Variants in MEIOSIN observed in about 807,000 individuals in gnomAD.
MEIOSIN encodes the protein meiosis initiator.
In MEIOSIN, 18 loss-of-function variants were observed where a neutral mutation model predicts 23.4. The observed-to-expected ratio is 0.77, with a 90% CI of 0.53 to 1.14. MEIOSIN has a LOEUF of 1.14. MEIOSIN is among the 50% of genes most tolerant of loss of function. The pLI is 0.00. For synonymous variants in MEIOSIN, 187 were observed against 100.6 expected, an observed-to-expected ratio of 1.86 and a Z score of -5.14; for missense variants, 428 against 242.9, an observed-to-expected ratio of 1.76 and a Z score of -5.07.
intron 1 of MEIOSIN, among the ~76,000 whole-genome samples, chr19:45,734,778 T>C (rs1968382948): frequency 6.6e-6 from 1 of 151,288 alleles, no homozygotes; most frequent in Admixed American, 6.6e-5. Flanking sequence ...GTGCTAGGAT[T>C]ACAGGCGTGA....
At chr19:45,734,506 C>CT (rs999396275) in intron 1 of MEIOSIN, among the ~76,000 whole-genome samples, 33 of 150,644 alleles carry the variant, frequency 2.2e-4, no homozygotes, top group South Asian at 6.3e-4. Context: ...GGGAGGGCTC[C>CT]TTTTTTTTTG....
At chr19:45,752,910 T>TTTC (rs1392406147) in intron 5 of MEIOSIN, among the ~76,000 whole-genome samples, 63 of 140,850 alleles carry the variant, frequency 4.5e-4, no homozygotes, top group Non-Finnish European at 6.0e-4. Flanking sequence ...ACTCAGATAG[T>TTTC]TTCTTCTTCT....
At position 45,759,025 on chromosome 19, in the gene MEIOSIN, T is replaced by C; in HGVS notation, c.1160T>C (p.Leu387Pro). ...ATCTTGGAGGATGACATGGAGTACC[T>C]GACCCAAGGTGAGGCCCAGGCCTGG... ...DEILEDDMEY[L>P]TQAAFFEEVC... Residue 387 changes from leucine to proline, a missense_variant, in exon 10 of 15, where the codon CTG becomes CCG. Physicochemically the swap from Leu to Pro is moderately conservative, Grantham distance 98. Coordinates refer to ENST00000457052, the MANE Select transcript of MEIOSIN (RefSeq NM_001310124.2). 1.4e-6 allele frequency: 1 copy of C among 703,090 alleles called. No individual in the cohort carries two copies. The highest frequency in any genetic ancestry group is 2.6e-6 in the Non-Finnish European group (1 of 385,010). 43.6% of individuals were successfully genotyped at this position (703,090 alleles called of 1,614,324 possible).
At chr19:45,755,873 G>C (rs780568068) in intron 7 of MEIOSIN, 97 bp from the exon 8 acceptor site, 83 of 641,022 alleles carry the variant, frequency 1.3e-4, no homozygotes, top group Non-Finnish European at 2.0e-4. Flanking sequence ...GAGTGAGAGG[G>C]TGTGTGGCAG....
intron 9 of MEIOSIN, 67 bp from the exon 10 acceptor site, chr19:45,758,811 C>T: frequency 1.5e-6 from 1 of 668,736 alleles, no homozygotes; most frequent in Admixed American, 2.2e-5. Context: ...CTCCTCAATG[C>T]CAGCTGCTGT....
At chr19:45,752,922 T>C (rs200043581) in intron 5 of MEIOSIN, among the ~76,000 whole-genome samples, 3,257 of 142,152 alleles carry the variant, frequency 0.023, 59 homozygotes, top group Non-Finnish European at 0.033. Context: ...TCTTCTTCTT[T>C]TTTTTTTTTT....
chr19:45,748,792 G>A (rs1968639186), intron 4 of MEIOSIN, among the ~76,000 whole-genome samples: 1 of 152,136 alleles, frequency 6.6e-6, no homozygotes, highest in African/African-American at 2.4e-5. Context: ...AGGCTGGCTG[G>A]GTGCAGTGGC....
Position 45,757,188 on chromosome 19 carries a change from T to C in MEIOSIN, c.923T>C (p.Val308Ala). ...KTQPHPRQKLVFYDSSEDVDK... is the reference protein window; with the variant it reads ...KTQPHPRQKLAFYDSSEDVDK... The stretch of plus-strand genomic sequence containing the variant: ...TCCACCTCTTGCAGGCAGAAGCTGG[T>C]GTTCTATGATTCCAGCGAGGATGTG... The change falls in exon 9 of 15, where the codon GTG becomes GCG. Residue 308 changes from valine to alanine, a missense_variant. Coordinates refer to ENST00000457052, the MANE Select transcript of MEIOSIN (RefSeq NM_001310124.2). 1 of 702,874 alleles carries C rather than the reference T, an allele frequency of 1.4e-6. No homozygotes were observed. 43.5% of individuals were successfully genotyped at this position (702,874 alleles called of 1,614,324 possible). A position where few individuals can be genotyped will look rare whatever the true frequency, so the allele number is the denominator to read the frequency against.
intron 9 of MEIOSIN, among the ~76,000 whole-genome samples, chr19:45,757,683 G>A (rs1173057473): frequency 1.3e-5 from 2 of 151,880 alleles, no homozygotes; most frequent in Non-Finnish European, 2.9e-5. Context: ...ACCATGCCCA[G>A]CTAATTTCTG....
chr19:45,742,515 C>T (rs1269154424), intron 3 of MEIOSIN, among the ~76,000 whole-genome samples: 1 of 151,808 alleles, frequency 6.6e-6, no homozygotes, highest in African/African-American at 2.4e-5. Flanking sequence ...CGCGGTGGCT[C>T]ACGCCTGTAA....
chr19:45,757,059 G>T, intron 8 of MEIOSIN, 118 bp from the exon 9 acceptor site: 1 of 608,602 alleles, frequency 1.6e-6, no homozygotes, highest in South Asian at 2.0e-5. Flanking sequence ...AGCCTCGACT[G>T]ACTGAGCTTT....
intron 14 of MEIOSIN, among the ~76,000 whole-genome samples, chr19:45,763,723 G>T (rs1007332614): frequency 6.6e-6 from 1 of 152,014 alleles, no homozygotes. Flanking sequence ...TGGCCACCTC[G>T]ACTCCCCCGA....
At position 45,761,827 on chromosome 19, in the gene MEIOSIN, C is replaced by CCA. The variant is rs1555784557; in HGVS notation, c.1394_1395insCA (p.Glu466ArgfsTer56). The CCA allele has an allele frequency of 1.8e-4, 126 of 698,270 alleles. 2 individuals carry two copies. The highest frequency in any genetic ancestry group is 1.2e-3 in the South Asian group (77 of 66,704). The allele number at this position is 698,270 out of a possible 1,614,324, so 43.3% of individuals were successfully genotyped here. A position where few individuals can be genotyped will look rare whatever the true frequency, so the allele number is the denominator to read the frequency against. On this transcript the variant is annotated frameshift_variant, in exon 12 of 15. Transcript: ENST00000457052. LOFTEE classifies it high-confidence loss of function. ...TCCAGCTCCAGCTCCAGCTCCAGCT[C>CCA]GGAGGACAGCGACTCGGAGCCCCTG...
chr19:45,750,891 C>T (rs1968691010), intron 5 of MEIOSIN, 105 bp downstream of exon 5: 2 of 425,218 alleles, frequency 4.7e-6, no homozygotes, highest in Non-Finnish European at 8.4e-6. Flanking sequence ...GTATAGGGGA[C>T]AAAGAGAGAT....
chr19:45,758,194 G>A (rs1238608010), intron 9 of MEIOSIN, among the ~76,000 whole-genome samples: 9 of 150,542 alleles, frequency 6.0e-5, no homozygotes, highest in African/African-American at 9.8e-5. Context: ...GGGTTTCACC[G>A]TGTTGGCCAG....
rs1968850047 is a variant in MEIOSIN at position 45,757,283 on chromosome 19, T to A, written c.1012+6T>A. 3 of 701,704 alleles carry A rather than the reference T, an allele frequency of 4.3e-6. No individual in the cohort carries two copies. Among genetic ancestry groups the A allele is most frequent in the Non-Finnish European group, 7.8e-6 (3 of 384,208 alleles). The allele number at this position is 701,704 out of a possible 1,614,324, so 43.5% of individuals were successfully genotyped here. A position where few individuals can be genotyped will look rare whatever the true frequency, so the allele number is the denominator to read the frequency against. On this transcript the variant is annotated splice_donor_region_variant and intron_variant, in intron 9 of 14. Transcript: ENST00000457052. ...CCCAGAGAACAGCCCCCAAGGTGACTGCAACTCTGTCTCTCCTCCTTGTAG... is the reference window on the plus strand; with the variant it reads ...CCCAGAGAACAGCCCCCAAGGTGACAGCAACTCTGTCTCTCCTCCTTGTAG...
Position 45,754,700 on chromosome 19 carries a change from G to T in MEIOSIN, c.778G>T (p.Asp260Tyr), listed in dbSNP as rs1486238494. 5.7e-6 allele frequency: 4 copies of T among 702,916 alleles called. No individual in the cohort carries two copies. The highest frequency in any genetic ancestry group is 1.0e-5 in the Non-Finnish European group (4 of 385,038). The allele number at this position is 702,916 out of a possible 1,614,324, so 43.5% of individuals were successfully genotyped here. Reference sequence around the variant, plus strand: ...GCTGACGCTGTTGGATCTGGCCGAGGACACCATCCACTGTGACATCTCAAG... The same window carrying T: ...GCTGACGCTGTTGGATCTGGCCGAGTACACCATCCACTGTGACATCTCAAG... Reference protein sequence around the residue: ...SQLTLLDLAEDTIHCDISSCW... With the variant: ...SQLTLLDLAEYTIHCDISSCW... The change falls in exon 7 of 15, where the codon GAC becomes TAC. Residue 260 changes from aspartate to tyrosine, a missense_variant. Physicochemically the swap from Asp to Tyr is radical, Grantham distance 160 (BLOSUM62 -3). Coordinates refer to ENST00000457052, the MANE Select transcript of MEIOSIN (RefSeq NM_001310124.2).
intron 5 of MEIOSIN, among the ~76,000 whole-genome samples, chr19:45,751,357 T>C (rs1441346239): frequency 6.6e-6 from 1 of 151,346 alleles, no homozygotes; most frequent in Non-Finnish European, 1.5e-5. Context: ...TCCCCTGGCA[T>C]AAAATCCCTC....
intron 3 of MEIOSIN, among the ~76,000 whole-genome samples, chr19:45,739,969 T>C: frequency 6.6e-6 from 1 of 152,074 alleles, no homozygotes; most frequent in African/African-American, 2.4e-5. Context: ...TGCCTCAACC[T>C]CCCGAGTAGT....
Sources: allele counts gnomAD v4.1 joint callset (sites outside exome capture counted in the v4.1 genomes callset), GRCh38; gene constraint gnomAD v4.1.1; transcripts MANE v1.5; gene names NCBI Gene and HGNC (gene_info 2026-07-23, HGNC 2026-07-21).